The following FAM135A variants were observed in gnomAD, a reference collection of about 807,000 sequenced individuals.
FAM135A encodes the protein family with sequence similarity 135 member A.
A neutral mutation model predicts 146.8 loss-of-function variants in FAM135A; 79 were observed. That is an observed-to-expected ratio of 0.54 (90% CI 0.45 to 0.65). FAM135A has a LOEUF of 0.65. Among genes scored for constraint, FAM135A ranks in the 30% least tolerant of loss-of-function variants. The probability of loss-of-function intolerance (pLI) is 0.00; values close to 1 mark genes in which losing one functional copy is unlikely to be tolerated. For missense variants in FAM135A, 1,623 were observed against 1,758.2 expected (o/e 0.92, Z 1.38); for synonymous variants, 562 against 603.6 (o/e 0.93, Z 1.01).
chr6:70,475,513 G>T lies in FAM135A; in HGVS notation c.261G>T (p.Met87Ile). 2 of 1,601,352 alleles carry T rather than the reference G, an allele frequency of 1.2e-6. No homozygotes were observed. Among genetic ancestry groups the T allele is most frequent in the South Asian group, 1.1e-5 (1 of 87,586 alleles). ...KNEEVVLNDV[M>I]IFKVKMLLDE... is the part of the protein sequence containing the mutation. ...AAGAGGTTGTTTTAAATGATGTTAT[G>T]ATCTTCAAAGTAAAAATGCTATTGG... Residue 87 changes from methionine to isoleucine, a missense_variant, in exon 6 of 22, where the codon ATG (methionine) becomes ATT (isoleucine). Physicochemically the swap from Met to Ile is conservative, Grantham distance 10. This residue lies in a region of FAM135A where 171 missense variants were observed against 164.9 expected (regional missense o/e 1.04). Transcript: ENST00000418814.
chr6:70,439,434 T>C (rs1370017822), intron 4 of FAM135A, among the ~76,000 whole-genome samples: 1 of 152,216 alleles, frequency 6.6e-6, no homozygotes, highest in Non-Finnish European at 1.5e-5. Flanking sequence ...AGCTTTCTTC[T>C]AGTTAATATT....
intron 2 of FAM135A, among the ~76,000 whole-genome samples, chr6:70,416,737 G>T (rs1233029741): frequency 6.6e-6 from 1 of 152,138 alleles, no homozygotes; most frequent in Non-Finnish European, 1.5e-5. Flanking sequence ...ACCAGCCTGG[G>T]CAACAGAGCG....
chr6:70,430,104 A>G (rs1233059698), intron 4 of FAM135A, among the ~76,000 whole-genome samples: 1 of 152,174 alleles, frequency 6.6e-6, no homozygotes, highest in African/African-American at 2.4e-5. Flanking sequence ...TGGGAGGCCA[A>G]GGCGGGCAGA....
At chr6:70,505,613 G>C (rs1237621061) in intron 12 of FAM135A, among the ~76,000 whole-genome samples, 2 of 151,894 alleles carry the variant, frequency 1.3e-5, no homozygotes, top group Non-Finnish European at 2.9e-5. Context: ...TTATAATCAA[G>C]TAGTTCATAG....
rs778825817 is a variant in FAM135A, at chr6:70,524,047, G to A, written c.1184G>A (p.Cys395Tyr). 16 of 1,613,046 alleles carry A rather than the reference G, an allele frequency of 9.9e-6. No homozygotes were observed. The highest frequency in any genetic ancestry group is 1.3e-5 in the African/African-American group (1 of 74,986). The change falls in exon 14 of 22, where the codon TGT becomes TAT. Residue 395 changes from cysteine (C) to tyrosine (Y), a missense_variant. By Grantham distance (194) the Cys-to-Tyr change is radical. This residue lies in a region of FAM135A where 1,061 missense variants were observed against 1,113.8 expected (regional missense o/e 0.95). Coordinates refer to ENST00000418814, the MANE Select transcript of FAM135A (RefSeq NM_001162529.3). Reference sequence around the variant, plus strand: ...TCTCTTCCACCCTTACCTATTGAATGTAGTGAATTAGATGGAGATCTCAAT... The same window carrying A: ...TCTCTTCCACCCTTACCTATTGAATATAGTGAATTAGATGGAGATCTCAAT... ...CSSLPPLPIECSELDGDLNSL... is the reference protein window; with the variant it reads ...CSSLPPLPIEYSELDGDLNSL...
intron 11 of FAM135A, among the ~76,000 whole-genome samples, chr6:70,499,583 C>T (rs1228285513): frequency 6.6e-6 from 1 of 152,080 alleles, no homozygotes; most frequent in Non-Finnish European, 1.5e-5. Context: ...TGTCATTGGT[C>T]TTTATATTTT....
At chr6:70,430,528 C>G (rs575904707) in intron 4 of FAM135A, among the ~76,000 whole-genome samples, 1 of 152,240 alleles carries the variant, frequency 6.6e-6, no homozygotes, top group South Asian at 2.1e-4. Context: ...AAGTTTATTC[C>G]ATGCTTTAAA....
intron 12 of FAM135A, among the ~76,000 whole-genome samples, chr6:70,515,692 CATT>C (rs938140861): frequency 6.6e-6 from 1 of 151,888 alleles, no homozygotes; most frequent in African/African-American, 2.4e-5. Context: ...ATATATATGT[CATT>C]ATATATTTTT....
intron 11 of FAM135A, among the ~76,000 whole-genome samples, chr6:70,492,002 C>T (rs1001949030): frequency 6.6e-6 from 1 of 151,744 alleles, no homozygotes; most frequent in African/African-American, 2.4e-5. Flanking sequence ...AAACCAAAAT[C>T]CCACTGGAAA....
At chr6:70,494,589 C>A (rs1786787962) in intron 11 of FAM135A, among the ~76,000 whole-genome samples, 2 of 151,674 alleles carry the variant, frequency 1.3e-5, no homozygotes, top group South Asian at 4.1e-4. Flanking sequence ...TTCTAATTTC[C>A]TTTTTTAATA....
At chr6:70,550,810 G>A (rs1419507851) in intron 20 of FAM135A, among the ~76,000 whole-genome samples, 1 of 152,150 alleles carries the variant, frequency 6.6e-6, no homozygotes, top group Non-Finnish European at 1.5e-5. Flanking sequence ...TCTTTCAATA[G>A]AAGGCAATTT....
intron 10 of FAM135A, among the ~76,000 whole-genome samples, chr6:70,490,624 A>T (rs1024717920): frequency 1.3e-5 from 2 of 152,062 alleles, no homozygotes; most frequent in East Asian, 3.8e-4. Flanking sequence ...ATTTTACTTG[A>T]GCATTTTAGG....
At chr6:70,460,427 A>G (rs1483772548) in intron 5 of FAM135A, among the ~76,000 whole-genome samples, 2 of 152,182 alleles carry the variant, frequency 1.3e-5, no homozygotes. Flanking sequence ...GGAATTATCA[A>G]GGTTGCTGAC....
At chr6:70,532,354 A>G (rs1227793044) in intron 16 of FAM135A, among the ~76,000 whole-genome samples, 2 of 152,188 alleles carry the variant, frequency 1.3e-5, no homozygotes, top group African/African-American at 4.8e-5. Flanking sequence ...TCTGTATTGT[A>G]AGTATATGTG....
intron 20 of FAM135A, 197 bp from the exon 21 acceptor site, chr6:70,556,553 C>T: frequency 2.2e-6 from 1 of 464,320 alleles, no homozygotes. Context: ...ATATCAGCAT[C>T]AAGACTACAT....
intron 12 of FAM135A, among the ~76,000 whole-genome samples, chr6:70,521,861 C>A (rs1040436287): frequency 2.0e-5 from 3 of 152,072 alleles, no homozygotes; most frequent in African/African-American, 7.2e-5. Flanking sequence ...TGTAATATGC[C>A]AAGATACATG....
intron 7 of FAM135A, among the ~76,000 whole-genome samples, chr6:70,476,367 T>C (rs1411185879): frequency 6.6e-6 from 1 of 152,208 alleles, no homozygotes; most frequent in Admixed American, 6.6e-5. Flanking sequence ...AAAAATGATA[T>C]ATAAATTCAG....
In FAM135A at chr6:70,525,020, C is replaced by G. The variant is rs770430074; in HGVS notation, c.1936C>G (p.His646Asp). The G allele has an allele frequency of 3.1e-6, 5 of 1,597,542 alleles. No individual in the cohort carries two copies. Among genetic ancestry groups the G allele is most frequent in the Non-Finnish European group, 4.3e-6 (5 of 1,174,512 alleles). Residue 646 changes from histidine (H) to aspartate (D), a missense_variant, in exon 15 of 22, where the codon CAT becomes GAT. Around this residue, in one of 7 missense-constraint regions of FAM135A, gnomAD observed 1,061 missense variants for 1,113.8 expected, o/e 0.95. Coordinates refer to ENST00000418814, the MANE Select transcript of FAM135A (RefSeq NM_001162529.3). ...SRRSSDDCHD[H>D]QTTPSLGVRT... ...AAGGTCATCAGACGATTGCCATGAT[C>G]ATCAAACAACCCCATCTTTGGGAGT...
intron 3 of FAM135A, 39 bp from the exon 4 acceptor site, chr6:70,428,265 G>T: frequency 1.0e-6 from 1 of 985,008 alleles, no homozygotes. Flanking sequence ...TGGCATTTTT[G>T]TTACGCTTCT....
Sources: allele counts gnomAD v4.1 joint callset (sites outside exome capture counted in the v4.1 genomes callset), GRCh38; gene constraint gnomAD v4.1.1; regional missense constraint gnomAD v4.1.1; transcripts MANE v1.5; gene names NCBI Gene and HGNC (gene_info 2026-07-23, HGNC 2026-07-21).